The following PRMT1 variants were observed in gnomAD, a reference collection of about 807,000 sequenced individuals.
The protein encoded by PRMT1 is protein arginine N-methyltransferase 1.
In PRMT1, 5 loss-of-function variants were observed where a neutral mutation model predicts 47.4. The observed-to-expected ratio is 0.11, with a 90% CI of 0.06 to 0.22. The LOEUF (loss-of-function observed/expected upper bound fraction) is 0.22, where lower values mean the gene tolerates loss of function less well. Among genes scored for constraint, PRMT1 ranks in the 10% least tolerant of loss-of-function variants. The pLI, the probability that PRMT1 is intolerant of heterozygous loss-of-function variation, is 1.00. For missense variants in PRMT1, 249 were observed against 518.4 expected, an observed-to-expected ratio of 0.48 and a Z score of 5.05; for synonymous variants, 227 against 204.6, an observed-to-expected ratio of 1.11 and a Z score of -0.94.
chr19:49,676,449 C>T (rs1381635714), upstream of PRMT1: 2 of 152,214 alleles, frequency 1.3e-5, no homozygotes, highest in Admixed American at 1.3e-4. Context: ...GGTGGGCGTT[C>T]CTGGCAGGGG....
upstream of PRMT1, chr19:49,677,111 C>G (rs117039051): frequency 0.012 from 6,078 of 520,644 alleles, 271 homozygotes; most frequent in Admixed American, 0.11. Context: ...GACGTATTCT[C>G]TAGCCAATTA....
rs1219623026 is a variant in PRMT1, at chr19:49,685,528, A to C, written c.759+491A>C. On this transcript the variant is annotated intron_variant, in intron 8 of 10. Transcript: ENST00000454376. This position sits in a 1 kb window ranked among gnomAD's most constrained non-coding sequence, Gnocchi z 4.7. ...TTGTTTTTTCCTTTTGTTTTTTTTT[A>C]CTTCTGAGACCCTGTTTAAAAAAAA... The C allele has an allele frequency of 1.4e-5, 14 of 1,006,294 alleles. No individual in the cohort carries two copies. Among genetic ancestry groups the C allele is most frequent in the Non-Finnish European group, 1.7e-5 (14 of 844,058 alleles). The allele number at this position is 1,006,294 out of a possible 1,614,324, so 62.3% of individuals were successfully genotyped here. A position where few individuals can be genotyped will look rare whatever the true frequency, so the allele number is the denominator to read the frequency against.
Position 49,681,725 on chromosome 19 carries a change from G to A in PRMT1, c.193-185G>A, listed in dbSNP as rs184125187. Among the ~76,000 whole-genome samples the A allele has an allele frequency of 2.6e-3, 394 of 152,078 alleles. 6 individuals are homozygous for A. The highest frequency in any genetic ancestry group is 1.4e-3 in the Non-Finnish European group (94 of 67,972). On this transcript the variant is annotated intron_variant, in intron 3 of 10. Transcript: ENST00000454376. This position sits in a 1 kb window ranked among gnomAD's most constrained non-coding sequence, Gnocchi z 4.4. ...TGCACTCCAGCCTGGGCAACAGAGT[G>A]AGATTCCATCTCAAAAAATAAAATA... is the stretch of plus-strand genomic sequence containing the variant.
upstream of PRMT1, chr19:49,676,414 T>C (rs1212316166): frequency 1.3e-5 from 2 of 152,190 alleles, no homozygotes; most frequent in Non-Finnish European, 2.9e-5. Flanking sequence ...CTGATTCACG[T>C]TTAGAAGCTG....
chr19:49,677,436 G>A (rs995521545), intron 1 of PRMT1, 120 bp downstream of exon 1: 1 of 842,136 alleles, frequency 1.2e-6, no homozygotes, highest in Non-Finnish European at 1.6e-6. Flanking sequence ...CGCCGCACAC[G>A]GGGGCGCCGC....
At position 49,685,293 on chromosome 19, in the gene PRMT1, C is replaced by T; in HGVS notation, c.759+256C>T. On this transcript the variant is annotated intron_variant, in intron 8 of 10. Coordinates refer to ENST00000454376, the MANE Select transcript of PRMT1 (RefSeq NM_001536.6). The surrounding 1 kb of genome is among the most constrained non-coding windows in gnomAD (Gnocchi z 4.7). ...ACACCCAAAGCTGGCAGCTAAAGCC[C>T]ACAGCCCATGCACGGAAAGGCAGGA... 7.1e-7 allele frequency: 1 copy of T among 1,416,808 alleles called. No individual in the cohort carries two copies. The highest frequency in any genetic ancestry group is 9.2e-7 in the Non-Finnish European group (1 of 1,082,208). 87.8% of individuals were successfully genotyped at this position (1,416,808 alleles called of 1,614,324 possible).
Position 49,680,646 on chromosome 19 carries a change from G to A in PRMT1, c.192+58G>A. The A allele has an allele frequency of 7.2e-7, 1 of 1,391,520 alleles. No homozygotes were observed. The highest frequency in any genetic ancestry group is 1.2e-5 in the South Asian group (1 of 86,554). The allele number at this position is 1,391,520 out of a possible 1,614,324, so 86.2% of individuals were successfully genotyped here. The stretch of plus-strand genomic sequence containing the variant: ...TAGGGGGGCTTAAATGTTGGGGAAG[G>A]GGTGGAACCTGTTTTCCCACGCATG... On this transcript the variant is annotated intron_variant, in intron 3 of 10. Coordinates refer to ENST00000454376, the MANE Select transcript of PRMT1 (RefSeq NM_001536.6). The surrounding 1 kb of genome is among the most constrained non-coding windows in gnomAD (Gnocchi z 4.2).
intron 5 of PRMT1, 38 bp downstream of exon 5, chr19:49,682,297 G>A: frequency 6.2e-7 from 1 of 1,601,706 alleles, no homozygotes. Flanking sequence ...GGGAGTGGAG[G>A]GGGTGATGCC....
chr19:49,688,114 C>A lies in PRMT1; in HGVS notation c.1033-48C>A. 6.5e-7 allele frequency: 1 copy of A among 1,550,196 alleles called. No individual in the cohort carries two copies. The highest frequency in any genetic ancestry group is 8.9e-7 in the Non-Finnish European group (1 of 1,122,080). On this transcript the variant is annotated intron_variant, in intron 10 of 10. Coordinates refer to ENST00000454376, the MANE Select transcript of PRMT1 (RefSeq NM_001536.6). The surrounding 1 kb of genome is among the most constrained non-coding windows in gnomAD (Gnocchi z 5.3). ...TAGCCTGCCTGCACCCGCCCCCCGCCACCACCTCCTGGTGGGTTCCGCCCT... is the reference window on the plus strand; with the variant it reads ...TAGCCTGCCTGCACCCGCCCCCCGCAACCACCTCCTGGTGGGTTCCGCCCT...
chr19:49,685,974 G>T lies in PRMT1; in HGVS notation c.760-119G>T. The T allele has an allele frequency of 1.3e-6, 2 of 1,494,174 alleles. No homozygotes were observed. Among genetic ancestry groups the T allele is most frequent in the South Asian group, 1.4e-5 (1 of 74,052 alleles). 92.6% of individuals were successfully genotyped at this position (1,494,174 alleles called of 1,614,324 possible). ...AGGAGCCGAGGCTGGGTGCCAGTGA[G>T]GGAGGGCTAGCAGGAAGGGGACAGC... On this transcript the variant is annotated intron_variant, in intron 8 of 10. Transcript: ENST00000454376. This position sits in a 1 kb window ranked among gnomAD's most constrained non-coding sequence, Gnocchi z 4.7.
chr19:49,685,505 GTTTTTTCCTTTTGTT>G lies in PRMT1; in HGVS notation c.759+475_759+489del. On this transcript the variant is annotated intron_variant, in intron 8 of 10. Transcript: ENST00000454376. This position sits in a 1 kb window ranked among gnomAD's most constrained non-coding sequence, Gnocchi z 4.7. ...AGCTTTGGTGACAATGTTTTGTTTT[GTTTTTTCCTTTTGTT>G]TTTTTTTACTTCTGAGACCCTGTTT... 2.0e-6 allele frequency: 2 copies of G among 1,015,816 alleles called. No individual in the cohort carries two copies. The highest frequency in any genetic ancestry group is 2.4e-6 in the Non-Finnish European group (2 of 848,556). The allele number at this position is 1,015,816 out of a possible 1,614,324, so 62.9% of individuals were successfully genotyped here. A position where few individuals can be genotyped will look rare whatever the true frequency, so the allele number is the denominator to read the frequency against.
rs915971776 is a variant in PRMT1 at position 49,684,357 on chromosome 19, G to A, written c.555+288G>A. 6.6e-6 allele frequency among the ~76,000 whole-genome samples: 1 copy of A among 152,152 alleles called. No individual in the cohort carries two copies. Among genetic ancestry groups the A allele is most frequent in the Non-Finnish European group, 1.5e-5 (1 of 68,030 alleles). ...GACGGAGAGGTGGATGAAGCATACG[G>A]AGGGGCAGCCAGGGCAGGTGTGCCC... On this transcript the variant is annotated intron_variant, in intron 6 of 10. Coordinates refer to ENST00000454376, the MANE Select transcript of PRMT1 (RefSeq NM_001536.6). The surrounding 1 kb of genome is among the most constrained non-coding windows in gnomAD (Gnocchi z 6.2).
At position 49,686,234 on chromosome 19, in the gene PRMT1, T is replaced by C; in HGVS notation, c.901T>C (p.Phe301Leu). 1 of 1,602,872 alleles carries C rather than the reference T, an allele frequency of 6.2e-7. No individual in the cohort carries two copies. Among genetic ancestry groups the C allele is most frequent in the Non-Finnish European group, 8.5e-7 (1 of 1,174,808 alleles). The change falls in exon 9 of 11, where the codon TTC becomes CTC. Residue 301 changes from phenylalanine to leucine, a missense_variant. Transcript: ENST00000454376. ...CACACGCTGCCACAAGAGGACCGGC[T>C]TCTCCACCAGTGAGGCGGGGCCCAC... The part of the protein sequence containing the change: ...EFTRCHKRTG[F>L]STSPESPYTH...
chr19:49,686,782 TGGGGGG>T, intron 10 of PRMT1, 56 bp downstream of exon 10: 1 of 183,098 alleles, frequency 5.5e-6, no homozygotes, highest in Non-Finnish European at 7.2e-6. Flanking sequence ...GAGTGTAGAT[TGGGGGG>T]GGAGTGGTGG....
Position 49,680,408 on chromosome 19 carries a change from GA to G in PRMT1, c.91-75del. 1 of 1,278,502 alleles carries G rather than the reference GA, an allele frequency of 7.8e-7. No individual in the cohort carries two copies. The highest frequency in any genetic ancestry group is 1.1e-6 in the Non-Finnish European group (1 of 878,430). The allele number at this position is 1,278,502 out of a possible 1,614,324, so 79.2% of individuals were successfully genotyped here. A position where few individuals can be genotyped will look rare whatever the true frequency, so the allele number is the denominator to read the frequency against. On this transcript the variant is annotated intron_variant, in intron 2 of 10. Coordinates refer to ENST00000454376, the MANE Select transcript of PRMT1 (RefSeq NM_001536.6). The surrounding 1 kb of genome is among the most constrained non-coding windows in gnomAD (Gnocchi z 4.2). Reference sequence around the variant, plus strand: ...TGGGGGTTCTATACTACTCTTCAGGGAAAAGTAGGGCGCTGGAGGTTTAAGA... The same window carrying G: ...TGGGGGTTCTATACTACTCTTCAGGGAAAGTAGGGCGCTGGAGGTTTAAGA...
chr19:49,680,157 T>TGTGTCTGCCCCCATTTTCCTTCCCC lies in PRMT1; in HGVS notation c.90+233_90+257dup. 1 of 1,519,138 alleles carries TGTGTCTGCCCCCATTTTCCTTCCCC rather than the reference T, an allele frequency of 6.6e-7. No individual in the cohort carries two copies. Among genetic ancestry groups the TGTGTCTGCCCCCATTTTCCTTCCCC allele is most frequent in the African/African-American group, 1.4e-5 (1 of 73,162 alleles). The allele number at this position is 1,519,138 out of a possible 1,614,324, so 94.1% of individuals were successfully genotyped here. ...CCTCCAACCCCCCTTTGCCCTTCCC[T>TGTGTCTGCCCCCATTTTCCTTCCCC]GTGTCTGCCCCCATTTTCCTTCCCC... On this transcript the variant is annotated intron_variant, in intron 2 of 10. Coordinates refer to ENST00000454376, the MANE Select transcript of PRMT1 (RefSeq NM_001536.6). The surrounding 1 kb of genome is among the most constrained non-coding windows in gnomAD (Gnocchi z 4.2).
chr19:49,685,060 G>A lies in PRMT1; in HGVS notation c.759+23G>A. The A allele has an allele frequency of 1.2e-6, 2 of 1,614,050 alleles. No individual in the cohort carries two copies. Among genetic ancestry groups the A allele is most frequent in the African/African-American group, 1.3e-5 (1 of 75,052 alleles). ...AAGGTGAGGGGGTGGGCATGGCCAG[G>A]TGCCCCCTGGGTTGAAACCAAAGAG... On this transcript the variant is annotated intron_variant, in intron 8 of 10. Transcript: ENST00000454376. This position sits in a 1 kb window ranked among gnomAD's most constrained non-coding sequence, Gnocchi z 4.7.
chr19:49,684,075 G>A lies in PRMT1; in HGVS notation c.555+6G>A. The A allele has an allele frequency of 1.9e-6, 3 of 1,614,078 alleles. No homozygotes were observed. Among genetic ancestry groups the A allele is most frequent in the East Asian group, 2.2e-5 (1 of 44,880 alleles). ...ATGCCCGGGACAAGTGGCTGGTGAG[G>A]CCCCAGCGGGACGGGTGCAGCTCGC... is the stretch of plus-strand genomic sequence containing the variant. On this transcript the variant is annotated splice_donor_region_variant and intron_variant, in intron 6 of 10. Transcript: ENST00000454376. This position sits in a 1 kb window ranked among gnomAD's most constrained non-coding sequence, Gnocchi z 6.2.
chr19:49,680,306 A>G lies in PRMT1; in HGVS notation c.91-181A>G. On this transcript the variant is annotated intron_variant, in intron 2 of 10. Transcript: ENST00000454376. The surrounding 1 kb of genome is among the most constrained non-coding windows in gnomAD (Gnocchi z 4.2). Reference sequence around the variant, plus strand: ...TCTGGGGGGGTCCTGGAAGTGGAAAATGGGGTTGTTAGGTTTTGGGGTTCC... The same window carrying G: ...TCTGGGGGGGTCCTGGAAGTGGAAAGTGGGGTTGTTAGGTTTTGGGGTTCC... The G allele has an allele frequency of 7.8e-7, 1 of 1,290,144 alleles. No homozygotes were observed. The highest frequency in any genetic ancestry group is 1.1e-6 in the Non-Finnish European group (1 of 897,216). The allele number at this position is 1,290,144 out of a possible 1,614,324, so 79.9% of individuals were successfully genotyped here.
Sources: gnomAD v4.1 joint callset for allele counts (sites outside exome capture counted in the v4.1 genomes callset) on GRCh38, gnomAD v4.1.1 for gene constraint, Gnocchi (gnomAD v3.1) non-coding constraint, MANE v1.5 for transcripts, NCBI Gene and HGNC (gene_info 2026-07-23, HGNC 2026-07-21) for gene names.